ACOT7: variants seen among roughly 807,000 people sequenced by gnomAD.
The protein encoded by ACOT7 is acyl-CoA thioesterase 7.
In ACOT7, 12 loss-of-function variants were observed where a neutral mutation model predicts 40.2. The observed-to-expected ratio is 0.30, with a 90% CI of 0.19 to 0.48. The LOEUF is 0.48. Among genes scored for constraint, ACOT7 ranks in the 20% least tolerant of loss-of-function variants. The pLI is 0.99. For missense variants in ACOT7, 395 were observed against 530.8 expected (o/e 0.74, Z 2.51); for synonymous variants, 228 against 219.5 (o/e 1.04, Z -0.34).
At chr1:6,390,005 G>C (rs12569064) in intron 1 of ACOT7, among the ~76,000 whole-genome samples, 1 of 152,124 alleles carries the variant, frequency 6.6e-6, no homozygotes, top group South Asian at 2.1e-4. Flanking sequence ...GGCTGTGCTA[G>C]GCCAGGAGGC....
At chr1:6,297,083 G>A (rs921602954) in intron 6 of ACOT7, among the ~76,000 whole-genome samples, 3 of 151,948 alleles carry the variant, frequency 2.0e-5, no homozygotes, top group Admixed American at 6.6e-5. Context: ...CTGTCACCAA[G>A]ATTGGAGTGC....
In ACOT7 at chr1:6,274,919, T is replaced by C. The variant is rs1464278904; in HGVS notation, c.1014+6183A>G. Among the ~76,000 whole-genome samples the C allele has an allele frequency of 6.6e-6, 1 of 152,128 alleles. No individual in the cohort carries two copies. The highest frequency in any genetic ancestry group is 2.4e-5 in the African/African-American group (1 of 41,438). ...CAGGGCTCCTCCCAGGACCCCACAG[T>C]AGGGCCTGGCTGGGAGAAAGCACAG... is the stretch of plus-strand genomic sequence containing the variant. On this transcript the variant is annotated intron_variant, in intron 8 of 8. Coordinates refer to ENST00000361521, the MANE Select transcript of ACOT7 (RefSeq NM_007274.4). This position sits in a 1 kb window ranked among gnomAD's most constrained non-coding sequence, Gnocchi z 5.9.
intron 8 of ACOT7, among the ~76,000 whole-genome samples, chr1:6,273,540 TG>T (rs1639099848): frequency 6.6e-6 from 1 of 151,958 alleles, no homozygotes; most frequent in Non-Finnish European, 1.5e-5. Context: ...GGCAGCAAGG[TG>T]GGGGCAGGAG....
At chr1:6,321,004 G>GAACACAGGAGC (rs1280266887) in intron 5 of ACOT7, among the ~76,000 whole-genome samples, 1 of 152,218 alleles carries the variant, frequency 6.6e-6, no homozygotes, top group African/African-American at 2.4e-5. Flanking sequence ...GGAAAGGAAA[G>GAACACAGGAGC]AACACAGGAG....
At chr1:6,361,894 C>A (rs1233313891) in intron 1 of ACOT7, among the ~76,000 whole-genome samples, 10 of 152,218 alleles carry the variant, frequency 6.6e-5, no homozygotes, top group Non-Finnish European at 1.0e-4. Context: ...TGACACATGG[C>A]AGGAGCCCTC....
chr1:6,283,419 C>T (rs1288759211), intron 7 of ACOT7, among the ~76,000 whole-genome samples: 2 of 152,144 alleles, frequency 1.3e-5, no homozygotes, highest in Non-Finnish European at 1.5e-5. Context: ...GCCTCGGCCT[C>T]CCAAATTGCT....
intron 5 of ACOT7, among the ~76,000 whole-genome samples, chr1:6,322,505 C>T (rs955703537): frequency 6.6e-6 from 1 of 152,218 alleles, no homozygotes; most frequent in Non-Finnish European, 1.5e-5. Context: ...GCGCCTTAAG[C>T]GGCAGAAATT....
chr1:6,330,179 C>T lies in ACOT7; in HGVS notation c.511-2766G>A, dbSNP rs964113340. ...GTATATCTATACATACAGGGACGTA[C>T]ATTTTCCTAAATCGGGGATGGCTGT... On this transcript the variant is annotated intron_variant, in intron 4 of 8. Transcript: ENST00000361521. The surrounding 1 kb of genome is among the most constrained non-coding windows in gnomAD (Gnocchi z 4.6). 1.3e-5 allele frequency among the ~76,000 whole-genome samples: 2 copies of T among 152,174 alleles called. No homozygotes were observed. Among genetic ancestry groups the T allele is most frequent in the Non-Finnish European group, 2.9e-5 (2 of 68,032 alleles).
At chr1:6,360,956 A>G (rs1159928808) in intron 1 of ACOT7, among the ~76,000 whole-genome samples, 3 of 152,206 alleles carry the variant, frequency 2.0e-5, no homozygotes, top group African/African-American at 7.2e-5. Flanking sequence ...AATAATCTCA[A>G]AGTTAAACAA....
At chr1:6,291,876 G>A (rs967398167) in intron 7 of ACOT7, among the ~76,000 whole-genome samples, 1 of 152,188 alleles carries the variant, frequency 6.6e-6, no homozygotes, top group Non-Finnish European at 1.5e-5. Flanking sequence ...GTGCCTCCCC[G>A]CACAGCCTCG....
At position 6,358,845 on chromosome 1, in the gene ACOT7, T is replaced by C. The variant is rs1209409775; in HGVS notation, c.144-8979A>G. Reference sequence around the variant, plus strand: ...CAGTACCTGCTCAGCTGGAAAGCCATGGTGGCTAGGACATCCCAGGATCAG... The same window carrying C: ...CAGTACCTGCTCAGCTGGAAAGCCACGGTGGCTAGGACATCCCAGGATCAG... On this transcript the variant is annotated intron_variant, in intron 1 of 8. Coordinates refer to ENST00000361521, the MANE Select transcript of ACOT7 (RefSeq NM_007274.4). This position sits in a 1 kb window ranked among gnomAD's most constrained non-coding sequence, Gnocchi z 4.1. 2 of 1,613,804 alleles carry C rather than the reference T, an allele frequency of 1.2e-6. No individual in the cohort carries two copies. Among genetic ancestry groups the C allele is most frequent in the South Asian group, 1.1e-5 (1 of 91,070 alleles).
At chr1:6,312,903 G>T (rs1640379867) in intron 6 of ACOT7, among the ~76,000 whole-genome samples, 1 of 152,138 alleles carries the variant, frequency 6.6e-6, no homozygotes, top group African/African-American at 2.4e-5. Context: ...ATTACATGAG[G>T]TGAGCCCACC....
chr1:6,286,901 G>C (rs924285785), intron 7 of ACOT7, among the ~76,000 whole-genome samples: 3 of 152,216 alleles, frequency 2.0e-5, no homozygotes, highest in African/African-American at 7.2e-5. Context: ...GGCACCGCTG[G>C]AGAGGCTTGC....
chr1:6,339,343 G>A, intron 3 of ACOT7, 90 bp downstream of exon 3: 1 of 1,575,876 alleles, frequency 6.3e-7, no homozygotes, highest in South Asian at 1.1e-5. Context: ...AAGGGGCCAG[G>A]CCCTGGAGCG....
In ACOT7 at chr1:6,352,044, G is replaced by A. The variant is rs942607852; in HGVS notation, c.144-2178C>T. Among the ~76,000 whole-genome samples the A allele has an allele frequency of 3.3e-5, 5 of 152,126 alleles. No individual in the cohort carries two copies. Among genetic ancestry groups the A allele is most frequent in the Non-Finnish European group, 7.4e-5 (5 of 68,014 alleles). ...CCAGCTGGCTACCACGGGCCTGGCCGCCTTTCTTCGGCACCTTGGGTCCTG... is the reference window on the plus strand; with the variant it reads ...CCAGCTGGCTACCACGGGCCTGGCCACCTTTCTTCGGCACCTTGGGTCCTG... On this transcript the variant is annotated intron_variant, in intron 1 of 8. Transcript: ENST00000361521. This position sits in a 1 kb window ranked among gnomAD's most constrained non-coding sequence, Gnocchi z 4.5.
At chr1:6,366,826 T>C (rs1367394320) in intron 1 of ACOT7, among the ~76,000 whole-genome samples, 3 of 151,982 alleles carry the variant, frequency 2.0e-5, no homozygotes, top group Admixed American at 1.3e-4. Flanking sequence ...AGGCTAATTT[T>C]TTGTATTTTA....
At chr1:6,333,000 A>G (rs1641003118) in intron 4 of ACOT7, among the ~76,000 whole-genome samples, 1 of 152,222 alleles carries the variant, frequency 6.6e-6, no homozygotes, top group Non-Finnish European at 1.5e-5. Context: ...CGTCAGAAGC[A>G]GAGATCAGAA....
chr1:6,282,607 T>G lies in ACOT7; in HGVS notation c.830-1321A>C. 2.7e-6 allele frequency: 2 copies of G among 739,158 alleles called. No homozygotes were observed. Among genetic ancestry groups the G allele is most frequent in the Non-Finnish European group, 4.1e-6 (2 of 491,046 alleles). 45.8% of individuals were successfully genotyped at this position (739,158 alleles called of 1,614,324 possible). A position where few individuals can be genotyped will look rare whatever the true frequency, so the allele number is the denominator to read the frequency against. On this transcript the variant is annotated intron_variant, in intron 7 of 8. Transcript: ENST00000361521. This position sits in a 1 kb window ranked among gnomAD's most constrained non-coding sequence, Gnocchi z 4.5. ...ACAAGGCAGGTTTAGAGACCCAGAG[T>G]GAGAAAGCGGCCAGGTGGTGGCTGT...
At chr1:6,295,272 A>G (rs369723834) in intron 6 of ACOT7, 9 of 256,152 alleles carry the variant, frequency 3.5e-5, no homozygotes, top group African/African-American at 1.8e-4. Context: ...TTTTGTTACA[A>G]TATCAACTGG....
Sources: gnomAD v4.1 joint callset for allele counts (sites outside exome capture counted in the v4.1 genomes callset) on GRCh38, gnomAD v4.1.1 for gene constraint, Gnocchi (gnomAD v3.1) non-coding constraint, MANE v1.5 for transcripts, NCBI Gene and HGNC (gene_info 2026-07-23, HGNC 2026-07-21) for gene names.